The following PGM5 variants were observed in gnomAD, a reference collection of about 807,000 sequenced individuals.
PGM5 encodes phosphoglucomutase 5.
PGM5 carries 23 observed loss-of-function variants against 59.2 expected under a neutral mutation model. The observed-to-expected ratio is 0.39, with a 90% CI of 0.28 to 0.55. The LOEUF (loss-of-function observed/expected upper bound fraction) is 0.55, where lower values mean the gene tolerates loss of function less well. Ranked by LOEUF, PGM5 falls within the 20% of genes least tolerant of loss-of-function variation. The pLI is 0.66. For synonymous variants in PGM5, 214 were observed against 286.0 expected, an observed-to-expected ratio of 0.75 and a Z score of 2.54; for missense variants, 574 against 748.3, an observed-to-expected ratio of 0.77 and a Z score of 2.72.
chr9:68,529,210 T>TGTGTGTGG, intron 10 of PGM5, among the ~76,000 whole-genome samples: 1 of 138,266 alleles, frequency 7.2e-6, no homozygotes, highest in South Asian at 2.3e-4. Context: ...TGTGTGTGTG[T>TGTGTGTGG]GGTGAGGATG....
intron 6 of PGM5, among the ~76,000 whole-genome samples, chr9:68,439,164 G>T (rs1052887938): frequency 6.6e-5 from 10 of 151,862 alleles, no homozygotes; most frequent in Admixed American, 6.6e-4. Context: ...GGAGTTCAAG[G>T]CCAGCCTAGG....
chr9:68,499,476 C>T, intron 10 of PGM5, 115 bp downstream of exon 10: 1 of 1,099,114 alleles, frequency 9.1e-7, no homozygotes, highest in Non-Finnish European at 1.3e-6. Context: ...ATGATAATTT[C>T]AGCTGGAGGA....
At chr9:68,396,800 C>A (rs1240321575) in intron 6 of PGM5, 32 of 152,230 alleles carry the variant, frequency 2.1e-4, no homozygotes, top group African/African-American at 7.5e-4. Context: ...TCCCATATAG[C>A]TTATTTTTTC....
intron 6 of PGM5, among the ~76,000 whole-genome samples, chr9:68,431,277 T>G (rs1333321860): frequency 6.6e-6 from 1 of 152,228 alleles, no homozygotes; most frequent in Non-Finnish European, 1.5e-5. Context: ...TCTTTGCCTC[T>G]TGTATTCTGT....
At chr9:68,399,483 AT>A (rs1490039721) in intron 6 of PGM5, among the ~76,000 whole-genome samples, 1 of 152,034 alleles carries the variant, frequency 6.6e-6, no homozygotes, top group Non-Finnish European at 1.5e-5. Flanking sequence ...TAACTTTCTA[AT>A]TTTTATCCAG....
At chr9:68,376,402 G>T (rs2777116) in intron 1 of PGM5, among the ~76,000 whole-genome samples, 2 of 124,746 alleles carry the variant, frequency 1.6e-5, no homozygotes, top group African/African-American at 5.9e-5. Context: ...TGTCTCCTCT[G>T]CTTGAAAATA....
At chr9:68,422,196 TA>T (rs1371703651) in intron 6 of PGM5, among the ~76,000 whole-genome samples, 1 of 152,132 alleles carries the variant, frequency 6.6e-6, no homozygotes, top group Non-Finnish European at 1.5e-5. Context: ...ATCTCAACAA[TA>T]AAATAATAAT....
At chr9:68,428,210 G>A (rs936564088) in intron 6 of PGM5, among the ~76,000 whole-genome samples, 1 of 152,164 alleles carries the variant, frequency 6.6e-6, no homozygotes, top group Non-Finnish European at 1.5e-5. Flanking sequence ...ATGTGCCCAA[G>A]CCTGTCACTT....
intron 6 of PGM5, among the ~76,000 whole-genome samples, chr9:68,399,801 CA>C (rs1554680400): frequency 6.6e-6 from 1 of 152,128 alleles, no homozygotes; most frequent in Non-Finnish European, 1.5e-5. Context: ...AAATTGTTAT[CA>C]GTAGACAGAT....
intron 6 of PGM5, among the ~76,000 whole-genome samples, chr9:68,452,493 G>T (rs1352188859): frequency 6.6e-6 from 1 of 152,110 alleles, no homozygotes; most frequent in Non-Finnish European, 1.5e-5. Context: ...AACCTATTTT[G>T]GTCTCTGTCT....
chr9:68,474,987 C>T (rs1824081009), intron 7 of PGM5, among the ~76,000 whole-genome samples: 1 of 148,572 alleles, frequency 6.7e-6, no homozygotes, highest in African/African-American at 2.5e-5. Context: ...TTCTATGCAC[C>T]ATTGACAACT....
intron 6 of PGM5, among the ~76,000 whole-genome samples, chr9:68,417,880 G>T (rs1554682098): frequency 6.6e-6 from 1 of 152,100 alleles, no homozygotes; most frequent in African/African-American, 2.4e-5. Context: ...TGGTTTCTTG[G>T]GCTACTTTGA....
chr9:68,479,571 G>A lies in PGM5; in HGVS notation c.1295+18G>A, dbSNP rs77828753. 10,958 of 1,612,628 alleles carry A rather than the reference G, an allele frequency of 6.8e-3. 555 individuals carry two copies. The African/African-American group carries it at 0.12, about 17-fold the overall frequency. ...TATTGCAGGTGAGGAGAAGGGGAAGGGTCTCTGTATGGACCCTGAAGAACT... is the reference window on the plus strand; with the variant it reads ...TATTGCAGGTGAGGAGAAGGGGAAGAGTCTCTGTATGGACCCTGAAGAACT... On this transcript the variant is annotated intron_variant, in intron 8 of 10. Transcript: ENST00000396396.
At chr9:68,420,375 A>G (rs1297983402) in intron 6 of PGM5, among the ~76,000 whole-genome samples, 1 of 152,196 alleles carries the variant, frequency 6.6e-6, no homozygotes, top group African/African-American at 2.4e-5. Flanking sequence ...ATGAAGTAGG[A>G]TGCAAGGTTC....
At chr9:68,496,557 C>T (rs1554688168) in intron 9 of PGM5, among the ~76,000 whole-genome samples, 1 of 152,228 alleles carries the variant, frequency 6.6e-6, no homozygotes, top group African/African-American at 2.4e-5. Context: ...CTGATGCATG[C>T]TATTCACATC....
At chr9:68,440,031 C>T (rs1381818895) in intron 6 of PGM5, among the ~76,000 whole-genome samples, 1 of 152,042 alleles carries the variant, frequency 6.6e-6, no homozygotes, top group African/African-American at 2.4e-5. Context: ...TCCAACGGTC[C>T]TAAATGTATA....
chr9:68,452,717 C>T (rs980780526), intron 6 of PGM5, among the ~76,000 whole-genome samples: 2 of 152,216 alleles, frequency 1.3e-5, no homozygotes, highest in Non-Finnish European at 2.9e-5. Context: ...ATTCACTAGC[C>T]ATGCCTTCAG....
At chr9:68,434,339 A>G (rs1222977446) in intron 6 of PGM5, among the ~76,000 whole-genome samples, 11 of 131,882 alleles carry the variant, frequency 8.3e-5, no homozygotes, top group Admixed American at 7.2e-4. Context: ...AAAAAAAAAA[A>G]GAAAAAGAAA....
intron 6 of PGM5, among the ~76,000 whole-genome samples, chr9:68,455,660 G>C (rs1823763494): frequency 6.6e-6 from 1 of 152,078 alleles, no homozygotes; most frequent in Non-Finnish European, 1.5e-5. Context: ...TATCGGGGAG[G>C]GTAGATCTTC....
Sources: gnomAD v4.1 joint callset for allele counts (sites outside exome capture counted in the v4.1 genomes callset) on GRCh38, gnomAD v4.1.1 for gene constraint, MANE v1.5 for transcripts, NCBI Gene and HGNC (gene_info 2026-07-23, HGNC 2026-07-21) for gene names.